The following PTPRN2 variants were observed in gnomAD, a reference collection of about 807,000 sequenced individuals.
PTPRN2 encodes protein tyrosine phosphatase receptor type N2, also known as receptor-type tyrosine-protein phosphatase N2.
In PTPRN2, 74 loss-of-function variants were observed where a neutral mutation model predicts 118.8. The ratio of observed to expected loss-of-function variants is 0.62; its 90% CI spans 0.52 to 0.76. The LOEUF is 0.76. Among genes scored for constraint, PTPRN2 ranks in the 30% least tolerant of loss-of-function variants. PTPRN2 has a pLI of 0.00. For missense variants in PTPRN2, 1,481 were observed against 1,394.4 expected (o/e 1.06, Z -0.99); for synonymous variants, 641 against 608.0 (o/e 1.05, Z -0.80).
chr7:158,306,873 T>G lies in PTPRN2; in HGVS notation c.277+9946A>C, dbSNP rs150528769. On this transcript the variant is annotated intron_variant, in intron 3 of 22. Coordinates refer to ENST00000389418, the MANE Select transcript of PTPRN2 (RefSeq NM_002847.5). ...GTTTTTTGTTTTTTTTTTTTTTTTT[T>G]TTTTTTTTTTTTAGACAGAGTCTTG... 7.4e-4 allele frequency among the ~76,000 whole-genome samples: 108 copies of G among 146,434 alleles called. 1 individual carries two copies. Among genetic ancestry groups the G allele is most frequent in the Admixed American group, 2.2e-3 (32 of 14,828 alleles).
chr7:158,539,327 T>C (rs995223608), intron 1 of PTPRN2: 1 of 152,282 alleles, frequency 6.6e-6, no homozygotes, highest in Non-Finnish European at 1.5e-5. Flanking sequence ...TTTCATTAAA[T>C]AGGTTTACCC....
intron 12 of PTPRN2, among the ~76,000 whole-genome samples, chr7:157,885,478 G>C (rs1370596592): frequency 6.6e-6 from 1 of 152,178 alleles, no homozygotes; most frequent in Non-Finnish European, 1.5e-5. Flanking sequence ...TCCCTGAAGG[G>C]GATGCAGATG....
chr7:157,543,962 G>A (rs1227608736), intron 22 of PTPRN2, among the ~76,000 whole-genome samples: 1 of 152,164 alleles, frequency 6.6e-6, no homozygotes, highest in Non-Finnish European at 1.5e-5. Flanking sequence ...AGAGAGATGG[G>A]AGACAGATGG....
chr7:158,407,183 C>CCGGG (rs1563254395), intron 2 of PTPRN2, among the ~76,000 whole-genome samples: 7 of 20,718 alleles, frequency 3.4e-4, no homozygotes, highest in East Asian at 2.3e-3. Flanking sequence ...GTCCTGCGTC[C>CCGGG]TGGGTCCTGG....
At position 158,298,516 on chromosome 7, in the gene PTPRN2, G is replaced by A. The variant is rs370137695; in HGVS notation, c.277+18303C>T. Among the ~76,000 whole-genome samples the A allele has an allele frequency of 3.2e-4, 48 of 152,294 alleles. No homozygotes were observed. In the East Asian group the frequency reaches 5.6e-3, roughly 18 times the overall value. Reference sequence around the variant, plus strand: ...TTATACCTTATATAGAAGGCCTGAAGGTAATGTTATGTAATTTTTAATAAT... The same window carrying A: ...TTATACCTTATATAGAAGGCCTGAAAGTAATGTTATGTAATTTTTAATAAT... On this transcript the variant is annotated intron_variant, in intron 3 of 22. Transcript: ENST00000389418.
At chr7:158,392,286 G>A (rs568116672) in intron 2 of PTPRN2, among the ~76,000 whole-genome samples, 22 of 152,330 alleles carry the variant, frequency 1.4e-4, no homozygotes, top group South Asian at 6.2e-4. Context: ...GACACAGGGT[G>A]TGGACACAAA....
chr7:158,093,899 G>A lies in PTPRN2; in HGVS notation c.1644-12522C>T, dbSNP rs1445939295. Among the ~76,000 whole-genome samples, 2 of 152,156 alleles carry A rather than the reference G, an allele frequency of 1.3e-5. No homozygotes were observed. Among genetic ancestry groups the A allele is most frequent in the East Asian group, 3.9e-4 (2 of 5,194 alleles). ...TTATTGCAAGATAATTTAACATCAT[G>A]CAAGCCTTAATGAAAACATAATTAT... On this transcript the variant is annotated intron_variant, in intron 10 of 22. Transcript: ENST00000389418. The surrounding 1 kb of genome is among the most constrained non-coding windows in gnomAD (Gnocchi z 4.4).
intron 1 of PTPRN2, among the ~76,000 whole-genome samples, chr7:158,514,310 C>T (rs747917029): frequency 6.6e-6 from 1 of 152,100 alleles, no homozygotes; most frequent in African/African-American, 2.4e-5. Flanking sequence ...CGAAGGGGAG[C>T]GGCTGGAGAG....
intron 11 of PTPRN2, among the ~76,000 whole-genome samples, chr7:158,068,860 G>C (rs1312521657): frequency 6.6e-6 from 1 of 152,188 alleles, no homozygotes; most frequent in South Asian, 2.1e-4. Flanking sequence ...ACTGTAATAA[G>C]ACAAGGTGTT....
At chr7:157,579,354 C>T (rs1800225761) in intron 17 of PTPRN2, among the ~76,000 whole-genome samples, 1 of 152,194 alleles carries the variant, frequency 6.6e-6, no homozygotes, top group Admixed American at 6.5e-5. Flanking sequence ...GCCCATCCGA[C>T]AACAAGATGA....
intron 11 of PTPRN2, among the ~76,000 whole-genome samples, chr7:158,017,326 T>C (rs1173082876): frequency 1.3e-5 from 2 of 151,622 alleles, no homozygotes; most frequent in Non-Finnish European, 1.5e-5. Context: ...TCCCAGGGAG[T>C]CCAGTGCTCC....
intron 3 of PTPRN2, among the ~76,000 whole-genome samples, chr7:158,281,771 C>A (rs1799443855): frequency 6.6e-6 from 1 of 152,252 alleles, no homozygotes; most frequent in African/African-American, 2.4e-5. Flanking sequence ...CCCATCCATG[C>A]TCCTAGAAAG....
At chr7:157,795,004 C>T (rs1563116888) in intron 12 of PTPRN2, among the ~76,000 whole-genome samples, 1 of 152,208 alleles carries the variant, frequency 6.6e-6, no homozygotes, top group Non-Finnish European at 1.5e-5. Flanking sequence ...ACATGGATCC[C>T]TGTGCGTCGC....
rs186644825 is a variant in PTPRN2 at position 157,785,145 on chromosome 7, C to T, written c.1789-102208G>A. On this transcript the variant is annotated intron_variant, in intron 12 of 22. Coordinates refer to ENST00000389418, the MANE Select transcript of PTPRN2 (RefSeq NM_002847.5). This position sits in a 1 kb window ranked among gnomAD's most constrained non-coding sequence, Gnocchi z 7.3. ...AGCGGCGAGAAGGCTGACCGAACACCGAGAAGCAGCCAGCACAGGCTCTCC... is the reference window on the plus strand; with the variant it reads ...AGCGGCGAGAAGGCTGACCGAACACTGAGAAGCAGCCAGCACAGGCTCTCC... 5.6e-4 allele frequency among the ~76,000 whole-genome samples: 85 copies of T among 152,210 alleles called. No individual in the cohort carries two copies. Among genetic ancestry groups the T allele is most frequent in the Non-Finnish European group, 9.3e-4 (63 of 68,002 alleles).
Position 157,996,347 on chromosome 7 carries a change from C to T in PTPRN2, c.1723+84951G>A, listed in dbSNP as rs73169734. On this transcript the variant is annotated intron_variant, in intron 11 of 22. Coordinates refer to ENST00000389418, the MANE Select transcript of PTPRN2 (RefSeq NM_002847.5). ...CATCTATGTTATTCAGTGATGGCTA[C>T]ACTCAAAGCCCAGACTTCACCACTA... is the stretch of plus-strand genomic sequence containing the variant. 1.7e-3 allele frequency among the ~76,000 whole-genome samples: 261 copies of T among 152,338 alleles called. 1 individual carries two copies. Among genetic ancestry groups the T allele is most frequent in the Middle Eastern group, 6.8e-3 (2 of 294 alleles).
intron 13 of PTPRN2, among the ~76,000 whole-genome samples, 169 bp downstream of exon 13, chr7:157,682,556 G>A (rs961298953): frequency 2.0e-5 from 3 of 152,184 alleles, no homozygotes. Context: ...TGGCTGCAAC[G>A]TATTTGCACG....
intron 12 of PTPRN2, among the ~76,000 whole-genome samples, chr7:157,709,795 T>C (rs547250616): frequency 7.2e-5 from 11 of 152,324 alleles, no homozygotes; most frequent in African/African-American, 2.6e-4. Context: ...GACAGAGATT[T>C]ACACATACAA....
At chr7:158,222,571 G>A (rs10215991) in intron 3 of PTPRN2, among the ~76,000 whole-genome samples, 47,184 of 151,842 alleles carry the variant, frequency 0.31, 9,579 homozygotes, top group African/African-American at 0.58. Context: ...CGAGGACTAT[G>A]AAAGGCAGAG....
chr7:158,076,206 G>T (rs1008428902), intron 11 of PTPRN2, among the ~76,000 whole-genome samples: 8 of 152,212 alleles, frequency 5.3e-5, no homozygotes, highest in African/African-American at 1.4e-4. Context: ...CATGGCTCAG[G>T]AGTTCCTCTT....
Sources: allele counts gnomAD v4.1 joint callset (sites outside exome capture counted in the v4.1 genomes callset), GRCh38; gene constraint gnomAD v4.1.1; non-coding constraint Gnocchi (gnomAD v3.1); transcripts MANE v1.5; gene names NCBI Gene and HGNC (gene_info 2026-07-23, HGNC 2026-07-21).